PSTPIP2: variants seen among roughly 807,000 people sequenced by gnomAD.
PSTPIP2 encodes the protein proline-serine-threonine phosphatase-interacting protein 2.
A neutral mutation model predicts 63.3 loss-of-function variants in PSTPIP2; 33 were observed. The observed-to-expected ratio is 0.52, with a 90% CI of 0.40 to 0.70. The LOEUF (loss-of-function observed/expected upper bound fraction) is 0.70, where lower values mean the gene tolerates loss of function less well. Ranked by LOEUF, PSTPIP2 falls within the 30% of genes least tolerant of loss-of-function variation. The probability of loss-of-function intolerance (pLI) is 0.00; values close to 1 mark genes in which losing one functional copy is unlikely to be tolerated. For synonymous variants in PSTPIP2, 125 were observed against 132.7 expected, an observed-to-expected ratio of 0.94 and a Z score of 0.40; for missense variants, 312 against 400.7, an observed-to-expected ratio of 0.78 and a Z score of 1.89.
chr18:45,991,814 G>A, intron 12 of PSTPIP2, 88 bp downstream of exon 12: 1 of 1,294,220 alleles, frequency 7.7e-7, no homozygotes, highest in Non-Finnish European at 1.1e-6. Flanking sequence ...TAGTAGATAT[G>A]TTCCAATTCT....
At chr18:46,012,541 G>A (rs556388815) in intron 4 of PSTPIP2, among the ~76,000 whole-genome samples, 1 of 152,310 alleles carries the variant, frequency 6.6e-6, no homozygotes, top group East Asian at 1.9e-4. Flanking sequence ...TTGGGAGGCT[G>A]AGGTGGGTGT....
At chr18:46,055,053 T>C (rs533144463) in intron 1 of PSTPIP2, among the ~76,000 whole-genome samples, 1 of 152,328 alleles carries the variant, frequency 6.6e-6, no homozygotes, top group African/African-American at 2.4e-5. Flanking sequence ...TTTTCAGCAA[T>C]TTGGCCAGTT....
intron 2 of PSTPIP2, among the ~76,000 whole-genome samples, chr18:46,035,433 GAAA>G (rs1225375515): frequency 0.11 from 1,919 of 17,138 alleles, 62 homozygotes; most frequent in African/African-American, 0.18. Context: ...AAAAAAAAAA[GAAA>G]AGAGAGAGAG....
chr18:46,041,113 G>C (rs947485981), intron 1 of PSTPIP2: 22 of 453,604 alleles, frequency 4.9e-5, no homozygotes, highest in Non-Finnish European at 9.3e-5. Flanking sequence ...AAGACAAGCA[G>C]CTCTGAGCCA....
intron 10 of PSTPIP2, among the ~76,000 whole-genome samples, chr18:45,992,880 G>A (rs1599695224): frequency 6.6e-6 from 1 of 151,944 alleles, no homozygotes; most frequent in Non-Finnish European, 1.5e-5. Context: ...ATGCCACCAC[G>A]TCTGGCTAAT....
intron 3 of PSTPIP2, among the ~76,000 whole-genome samples, chr18:46,017,997 T>C (rs1427003413): frequency 6.6e-6 from 1 of 152,180 alleles, no homozygotes; most frequent in East Asian, 1.9e-4. Flanking sequence ...ATGCATCTCA[T>C]CTACTGAATT....
At chr18:45,996,783 TAATA>T (rs1215325525) in intron 9 of PSTPIP2, among the ~76,000 whole-genome samples, 1 of 151,854 alleles carries the variant, frequency 6.6e-6, no homozygotes. Context: ...ATAAAATAAA[TAATA>T]AATAATTAAC....
intron 6 of PSTPIP2, among the ~76,000 whole-genome samples, chr18:46,003,243 G>A (rs73953955): frequency 0.045 from 6,809 of 152,256 alleles, 500 homozygotes; most frequent in African/African-American, 0.15. Context: ...ATTATTTCCC[G>A]GTGCAGGTGG....
At position 46,072,237 on chromosome 18, in the gene PSTPIP2, G is replaced by A. The variant is rs8085444; in HGVS notation, c.-49C>T. 593,971 of 1,520,584 alleles carry A rather than the reference G, an allele frequency of 0.39. 121,805 individuals are homozygous for A. Among genetic ancestry groups the A allele is most frequent in the Middle Eastern group, 0.48 (2,457 of 5,152 alleles). 94.2% of individuals were successfully genotyped at this position (1,520,584 alleles called of 1,614,324 possible). A position where few individuals can be genotyped will look rare whatever the true frequency, so the allele number is the denominator to read the frequency against. On this transcript the variant is annotated 5_prime_UTR_variant, in exon 1 of 15. Coordinates refer to ENST00000409746, the MANE Select transcript of PSTPIP2 (RefSeq NM_024430.4). Reference sequence around the variant, plus strand: ...GGAGAGCCGGGCCGCAGGTAGCACAGAGCGGGGAGGCCTGACTGCCACTGC... The same window carrying A: ...GGAGAGCCGGGCCGCAGGTAGCACAAAGCGGGGAGGCCTGACTGCCACTGC...
chr18:46,009,078 T>C (rs566274610), intron 5 of PSTPIP2, among the ~76,000 whole-genome samples: 1 of 152,136 alleles, frequency 6.6e-6, no homozygotes, highest in Admixed American at 6.5e-5. Flanking sequence ...GTCACATCCG[T>C]CTATCTGGCC....
At chr18:46,031,664 A>G (rs911730046) in intron 2 of PSTPIP2, among the ~76,000 whole-genome samples, 1 of 152,224 alleles carries the variant, frequency 6.6e-6, no homozygotes, top group Non-Finnish European at 1.5e-5. Context: ...ATTTTTAAAA[A>G]TATATAATAT....
chr18:46,038,899 G>A (rs1908083927), intron 2 of PSTPIP2, among the ~76,000 whole-genome samples: 1 of 152,188 alleles, frequency 6.6e-6, no homozygotes, highest in Non-Finnish European at 1.5e-5. Flanking sequence ...AACTTTGGGA[G>A]GCCGAGGCAG....
At chr18:45,991,125 G>C (rs1324116552) in intron 12 of PSTPIP2, among the ~76,000 whole-genome samples, 1 of 152,132 alleles carries the variant, frequency 6.6e-6, no homozygotes, top group Admixed American at 6.5e-5. Context: ...GATTAAATCA[G>C]GTAATTCACA....
chr18:46,061,373 A>G (rs1908987907), intron 1 of PSTPIP2, among the ~76,000 whole-genome samples: 2 of 152,162 alleles, frequency 1.3e-5, no homozygotes, highest in South Asian at 2.1e-4. Flanking sequence ...ACTGAGAAAC[A>G]ATAGCTCTAA....
At chr18:46,037,649 T>A (rs925335885) in intron 2 of PSTPIP2, among the ~76,000 whole-genome samples, 4 of 152,108 alleles carry the variant, frequency 2.6e-5, no homozygotes, top group African/African-American at 4.8e-5. Context: ...ACAAGACACA[T>A]TGGAGGAACA....
intron 9 of PSTPIP2, 63 bp from the exon 10 acceptor site, chr18:45,993,766 C>T: frequency 7.0e-7 from 1 of 1,431,374 alleles, no homozygotes; most frequent in Non-Finnish European, 9.8e-7. Flanking sequence ...TTTTGGCTAG[C>T]TGTGACTTAA....
chr18:46,024,520 C>T, intron 3 of PSTPIP2, 89 bp downstream of exon 3: 1 of 1,173,546 alleles, frequency 8.5e-7, no homozygotes, highest in Non-Finnish European at 1.3e-6. Flanking sequence ...CAGCATACTT[C>T]AACCTCCTGG....
intron 1 of PSTPIP2, among the ~76,000 whole-genome samples, chr18:46,057,497 GT>G (rs1163152390): frequency 6.6e-6 from 1 of 151,232 alleles, no homozygotes; most frequent in Admixed American, 6.6e-5. Flanking sequence ...CTGTCTAATT[GT>G]TTTGTATTTT....
intron 2 of PSTPIP2, among the ~76,000 whole-genome samples, chr18:46,038,171 G>A (rs988600748): frequency 6.6e-6 from 1 of 152,142 alleles, no homozygotes; most frequent in Admixed American, 6.5e-5. Context: ...GTGATCCCCC[G>A]ACCTCAGCCT....
Sources: gnomAD v4.1 joint callset for allele counts (sites outside exome capture counted in the v4.1 genomes callset) on GRCh38, gnomAD v4.1.1 for gene constraint, MANE v1.5 for transcripts, NCBI Gene and HGNC (gene_info 2026-07-23, HGNC 2026-07-21) for gene names.